DAPP1: variants seen among roughly 807,000 people sequenced by gnomAD.
The protein encoded by DAPP1 is dual adaptor of phosphotyrosine and 3-phosphoinositides 1.
In DAPP1, 20 loss-of-function variants were observed where a neutral mutation model predicts 41.5. The observed-to-expected ratio is 0.48, with a 90% CI of 0.34 to 0.70. DAPP1 has a LOEUF of 0.70. DAPP1 is among the 30% of genes least tolerant of loss of function. The pLI is 0.01. For missense variants in DAPP1, 233 were observed against 333.4 expected, an observed-to-expected ratio of 0.70 and a Z score of 2.35; for synonymous variants, 113 against 116.2, an observed-to-expected ratio of 0.97 and a Z score of 0.18.
intron 8 of DAPP1, 37 bp downstream of exon 8, chr4:99,866,158 G>T: frequency 9.2e-7 from 1 of 1,083,324 alleles, no homozygotes; most frequent in Non-Finnish European, 1.4e-6. Context: ...CAAGTCTTGA[G>T]AAATAACATG....
At chr4:99,863,909 T>A in intron 7 of DAPP1, 54 bp downstream of exon 7, 1 of 1,220,000 alleles carries the variant, frequency 8.2e-7, no homozygotes, top group Non-Finnish European at 1.2e-6. Flanking sequence ...CAGACACTTA[T>A]TTTGGCTAAG....
chr4:99,865,970 A>ATAATATAATATATTATATATATTT, intron 7 of DAPP1, 64 bp from the exon 8 acceptor site: 1 of 77,570 alleles, frequency 1.3e-5, no homozygotes, highest in South Asian at 1.9e-4. Context: ...TATATATTAT[A>ATAATATAATATATTATATATATTT]TATATATATA....
At chr4:99,825,153 G>A (rs1722897070) in intron 1 of DAPP1, among the ~76,000 whole-genome samples, 1 of 152,152 alleles carries the variant, frequency 6.6e-6, no homozygotes. Context: ...CTGTCCCCAT[G>A]TGCTTCTGGC....
chr4:99,857,415 C>T (rs1459837685), intron 4 of DAPP1, among the ~76,000 whole-genome samples: 3 of 152,142 alleles, frequency 2.0e-5, no homozygotes, highest in Admixed American at 6.5e-5. Flanking sequence ...AAGTTCCTGA[C>T]ATAATAGGTC....
intron 1 of DAPP1, 44 bp downstream of exon 1, chr4:99,817,058 T>C (rs571368915): frequency 6.9e-7 from 1 of 1,456,262 alleles, no homozygotes; most frequent in East Asian, 2.5e-5. Context: ...TGGGTGGACA[T>C]TGACTCCGCA....
At position 99,830,534 on chromosome 4, in the gene DAPP1, TAG is replaced by T. The variant is rs34667582; in HGVS notation, c.102-5086_102-5085del. On this transcript the variant is annotated intron_variant, in intron 1 of 8. Coordinates refer to ENST00000512369, the MANE Select transcript of DAPP1 (RefSeq NM_014395.3). The stretch of plus-strand genomic sequence containing the variant: ...AACTGTCAGTATTCAGTGCCACATA[TAG>T]AGCCTCAATATCCTCCACCTTCATC... Among the ~76,000 whole-genome samples the T allele has an allele frequency of 9.5e-3, 1,454 of 152,290 alleles. 23 individuals carry two copies. The highest frequency in any genetic ancestry group is 0.033 in the African/African-American group (1,379 of 41,556).
chr4:99,848,213 C>T (rs1723733725), intron 3 of DAPP1, among the ~76,000 whole-genome samples: 1 of 148,408 alleles, frequency 6.7e-6, no homozygotes, highest in Non-Finnish European at 1.5e-5. Flanking sequence ...GGTACAAGAA[C>T]AGGGAACAGG....
intron 1 of DAPP1, among the ~76,000 whole-genome samples, chr4:99,818,035 T>A (rs1722648609): frequency 6.6e-6 from 1 of 152,100 alleles, no homozygotes; most frequent in African/African-American, 2.4e-5. Context: ...CAAAATAGAG[T>A]TGAAATCTCT....
intron 3 of DAPP1, among the ~76,000 whole-genome samples, chr4:99,845,596 A>G (rs1173449225): frequency 6.6e-6 from 1 of 152,222 alleles, no homozygotes; most frequent in African/African-American, 2.4e-5. Context: ...TCTCTTCTTT[A>G]TCTCTTCTTT....
In DAPP1 at chr4:99,821,330, C is replaced by T. The variant is rs148652609; in HGVS notation, c.101+4316C>T. On this transcript the variant is annotated intron_variant, in intron 1 of 8. Transcript: ENST00000512369. ...AGGTGACTTCAATAAGCTAAGTATA[C>T]GATCCAGGTCACAGACTTTGTAAGT... Among the ~76,000 whole-genome samples, 303 of 152,314 alleles carry T rather than the reference C, an allele frequency of 2.0e-3. 2 individuals are homozygous for T. Among genetic ancestry groups the T allele is most frequent in the Middle Eastern group, 0.01 (3 of 294 alleles).
intron 8 of DAPP1, chr4:99,866,663 G>A (rs1724471636): frequency 1.3e-6 from 1 of 755,322 alleles, no homozygotes. Context: ...TGTTTTTCAT[G>A]TGCTTGCAAG....
intron 3 of DAPP1, among the ~76,000 whole-genome samples, chr4:99,851,369 T>G (rs1723852979): frequency 6.6e-6 from 1 of 152,094 alleles, no homozygotes; most frequent in Non-Finnish European, 1.5e-5. Context: ...GAGGCTTTCA[T>G]TCTTCTCTGA....
Position 99,868,430 on chromosome 4 carries a change from C to T in DAPP1, c.*245C>T. The T allele has an allele frequency of 9.5e-6, 5 of 523,694 alleles. No individual in the cohort carries two copies. The highest frequency in any genetic ancestry group is 1.7e-5 in the Non-Finnish European group (5 of 289,824). 32.4% of individuals were successfully genotyped at this position (523,694 alleles called of 1,614,324 possible). ...TTCTGATAGAAAGTGCTTAAACCAC[C>T]ACTCTTAGGTCTGCTCACTCTTAGA... On this transcript the variant is annotated 3_prime_UTR_variant, in exon 9 of 9. Transcript: ENST00000512369.
chr4:99,832,043 A>G (rs936394167), intron 1 of DAPP1, among the ~76,000 whole-genome samples: 1 of 150,286 alleles, frequency 6.7e-6, no homozygotes, highest in Admixed American at 6.6e-5. Context: ...CCTGATTTCG[A>G]TCTTTCTTTT....
rs1205901168 is a variant in DAPP1 at position 99,863,128 on chromosome 4, A to G, written c.600+56A>G. ...AAAAATCAATTCTCTAGATGAAAGA[A>G]ACTTAGGTCTTTAAAATCTCTGAAA... On this transcript the variant is annotated intron_variant, in intron 6 of 8. Transcript: ENST00000512369. 9.9e-6 allele frequency: 11 copies of G among 1,107,766 alleles called. No individual in the cohort carries two copies. In the African/African-American group the frequency reaches 1.8e-4, roughly 18 times the overall value. The allele number at this position is 1,107,766 out of a possible 1,614,324, so 68.6% of individuals were successfully genotyped here.
At chr4:99,841,369 G>A (rs1328955943) in intron 3 of DAPP1, among the ~76,000 whole-genome samples, 1 of 152,208 alleles carries the variant, frequency 6.6e-6, no homozygotes, top group African/African-American at 2.4e-5. Context: ...TATACATGAA[G>A]TGCACAGCGG....
At chr4:99,856,950 G>T (rs1489003949) in intron 4 of DAPP1, among the ~76,000 whole-genome samples, 2 of 152,144 alleles carry the variant, frequency 1.3e-5, no homozygotes, top group African/African-American at 4.8e-5. Context: ...CTTTTGTTCT[G>T]AAGGGAAATA....
At chr4:99,854,008 A>C (rs548662618) in intron 4 of DAPP1, among the ~76,000 whole-genome samples, 1 of 152,332 alleles carries the variant, frequency 6.6e-6, no homozygotes, top group African/African-American at 2.4e-5. Flanking sequence ...ATTTTTTTAA[A>C]TATTTCAACT....
intron 3 of DAPP1, among the ~76,000 whole-genome samples, chr4:99,849,503 C>T (rs1303489896): frequency 2.0e-5 from 3 of 152,116 alleles, no homozygotes; most frequent in Admixed American, 6.5e-5. Context: ...GAAATGCACA[C>T]GTTGGAAAGG....
Sources: allele counts gnomAD v4.1 joint callset (sites outside exome capture counted in the v4.1 genomes callset), GRCh38; gene constraint gnomAD v4.1.1; transcripts MANE v1.5; gene names NCBI Gene and HGNC (gene_info 2026-07-23, HGNC 2026-07-21).